The following UCHL3 variants were observed in gnomAD, a reference collection of about 807,000 sequenced individuals.
UCHL3 encodes ubiquitin C-terminal hydrolase L3, also known as ubiquitin carboxyl-terminal hydrolase isozyme L3.
Under a neutral mutation model 35.8 loss-of-function variants are expected in UCHL3, and 22 were observed. That is an observed-to-expected ratio of 0.61 (90% confidence interval 0.44 to 0.88). The LOEUF (loss-of-function observed/expected upper bound fraction) is 0.88, where lower values mean the gene tolerates loss of function less well. Among genes scored for constraint, UCHL3 ranks in the 40% least tolerant of loss-of-function variants. The pLI, the probability that UCHL3 is intolerant of heterozygous loss-of-function variation, is 0.00. For synonymous variants in UCHL3, 90 were observed against 92.8 expected (o/e 0.97, Z 0.17); for missense variants, 229 against 276.9 (o/e 0.83, Z 1.23).
chr13:75,598,899 G>A (rs1187445634), intron 7 of UCHL3, among the ~76,000 whole-genome samples: 3 of 152,098 alleles, frequency 2.0e-5, no homozygotes, highest in Non-Finnish European at 4.4e-5. Context: ...AACATTAGAA[G>A]CTTTCCTTTT....
chr13:75,569,462 C>T lies in UCHL3; in HGVS notation c.429C>T (p.Ala143=), dbSNP rs773674690. The change falls in exon 6 of 9, where the codon GCC becomes GCT. Residue 143 remains alanine (A), a splice_region_variant and synonymous_variant. Transcript: ENST00000377595. ...GAATACCTTTATTCTTATTACAGGCCATCCGAGTTACTCATGAGACCAGTG... is the reference window on the plus strand; with the variant it reads ...GAATACCTTTATTCTTATTACAGGCTATCCGAGTTACTCATGAGACCAGTG... ...ERARYLENYD[A]IRVTHETSAH... 1.2e-6 allele frequency: 2 copies of T among 1,606,998 alleles called. No homozygotes were observed. Among genetic ancestry groups the T allele is most frequent in the Admixed American group, 1.7e-5 (1 of 58,906 alleles).
chr13:75,586,469 C>T (rs1202460900), intron 6 of UCHL3, among the ~76,000 whole-genome samples: 4 of 152,036 alleles, frequency 2.6e-5, no homozygotes, highest in Non-Finnish European at 2.9e-5. Context: ...AGATACAGAA[C>T]ATTACTAAAA....
intron 6 of UCHL3, 29 bp downstream of exon 6, chr13:75,569,536 T>G: frequency 6.3e-7 from 1 of 1,588,248 alleles, no homozygotes; most frequent in Non-Finnish European, 8.6e-7. Flanking sequence ...AAATTTTTCT[T>G]GCTATAAATT....
At chr13:75,579,837 A>AT (rs2032130151) in intron 6 of UCHL3, among the ~76,000 whole-genome samples, 1 of 152,090 alleles carries the variant, frequency 6.6e-6, no homozygotes, top group Non-Finnish European at 1.5e-5. Context: ...AGGATATAAG[A>AT]TTTTTTTGAT....
At chr13:75,560,240 G>C (rs1163672033) in intron 2 of UCHL3, among the ~76,000 whole-genome samples, 1 of 152,034 alleles carries the variant, frequency 6.6e-6, no homozygotes, top group African/African-American at 2.4e-5. Flanking sequence ...TTGATTTTCT[G>C]ATAAAATATT....
At position 75,566,093 on chromosome 13, in the gene UCHL3, G is replaced by GT. The variant is rs574563197; in HGVS notation, c.184-601dup. ...TGCCAATGATAAACAATATAGAAAC[G>GT]TAACAATTAGCAAGTAAAAGTTCTC... On this transcript the variant is annotated intron_variant, in intron 3 of 8. Transcript: ENST00000377595. 1.6e-3 allele frequency among the ~76,000 whole-genome samples: 240 copies of GT among 152,152 alleles called. 1 individual carries two copies. The highest frequency in any genetic ancestry group is 5.5e-3 in the African/African-American group (229 of 41,518).
intron 3 of UCHL3, among the ~76,000 whole-genome samples, chr13:75,561,807 A>G (rs1034338183): frequency 3.7e-4 from 12 of 32,238 alleles, no homozygotes; most frequent in East Asian, 2.6e-3. Context: ...GTATACGTAT[A>G]CATACGTATA....
intron 5 of UCHL3, 61 bp downstream of exon 5, chr13:75,567,373 G>A: frequency 7.0e-7 from 1 of 1,437,834 alleles, no homozygotes; most frequent in Non-Finnish European, 9.7e-7. Context: ...TTGTAGATGT[G>A]TTTGGGGGTT....
chr13:75,549,903 C>T (rs1385884097), intron 1 of UCHL3, 41 bp downstream of exon 1: 1 of 1,613,890 alleles, frequency 6.2e-7, no homozygotes, highest in Admixed American at 1.7e-5. Context: ...TGGGCAGGTG[C>T]AGAGGGAGCC....
chr13:75,569,960 T>C (rs1406134400), intron 6 of UCHL3, among the ~76,000 whole-genome samples: 2 of 152,240 alleles, frequency 1.3e-5, no homozygotes, highest in African/African-American at 4.8e-5. Context: ...TTTACCATCT[T>C]TACCCTGTTA....
chr13:75,594,464 CT>C (rs1169275044), intron 6 of UCHL3, among the ~76,000 whole-genome samples: 13 of 152,198 alleles, frequency 8.5e-5, no homozygotes, highest in Non-Finnish European at 1.8e-4. Context: ...GGGAACATCT[CT>C]TTTGACATCT....
At chr13:75,561,541 A>AATAT (rs8192743) in intron 3 of UCHL3, among the ~76,000 whole-genome samples, 3,444 of 150,400 alleles carry the variant, frequency 0.023, 142 homozygotes, top group African/African-American at 0.078. Context: ...CAGTTTTTTC[A>AATAT]ATATATATAT....
intron 6 of UCHL3, among the ~76,000 whole-genome samples, chr13:75,573,105 A>G (rs1359580648): frequency 1.3e-5 from 2 of 152,130 alleles, no homozygotes; most frequent in Non-Finnish European, 2.9e-5. Context: ...CTCTACTAAA[A>G]ATACAAAAAT....
intron 3 of UCHL3, among the ~76,000 whole-genome samples, chr13:75,565,493 G>A (rs56864940): frequency 0.051 from 7,729 of 152,178 alleles, 661 homozygotes; most frequent in African/African-American, 0.17. Context: ...CTACTTGTAG[G>A]TTTTCTATAG....
intron 6 of UCHL3, among the ~76,000 whole-genome samples, chr13:75,592,446 A>ATAAATATATATATATATGTATATATG (rs36133915): frequency 1.4e-5 from 1 of 71,072 alleles, no homozygotes. Context: ...ATATATATAT[A>ATAAATATATATATATATGTATATATG]TATATATATA....
At chr13:75,585,303 G>A (rs956410838) in intron 6 of UCHL3, among the ~76,000 whole-genome samples, 2 of 152,064 alleles carry the variant, frequency 1.3e-5, no homozygotes, top group Non-Finnish European at 2.9e-5. Context: ...AAATGTTCAA[G>A]GCAGCCACAT....
chr13:75,576,342 G>A (rs2032022824), intron 6 of UCHL3, among the ~76,000 whole-genome samples: 1 of 152,108 alleles, frequency 6.6e-6, no homozygotes, highest in African/African-American at 2.4e-5. Flanking sequence ...CAATTCTCCT[G>A]CCTCAGCCTC....
chr13:75,564,925 A>G (rs539137991), intron 3 of UCHL3, among the ~76,000 whole-genome samples: 2 of 151,830 alleles, frequency 1.3e-5, no homozygotes, highest in Non-Finnish European at 2.9e-5. Flanking sequence ...TGAACTCCTG[A>G]CCTCAGATGA....
chr13:75,559,207 T>G (rs2031405896), intron 2 of UCHL3, among the ~76,000 whole-genome samples: 1 of 151,748 alleles, frequency 6.6e-6, no homozygotes, highest in Non-Finnish European at 1.5e-5. Context: ...GCCCAGCTAA[T>G]TTTTTTGTAT....
Sources: gnomAD v4.1 joint callset for allele counts (sites outside exome capture counted in the v4.1 genomes callset) on GRCh38, gnomAD v4.1.1 for gene constraint, MANE v1.5 for transcripts, NCBI Gene and HGNC (gene_info 2026-07-23, HGNC 2026-07-21) for gene names.